TTN: variants seen among roughly 807,000 people sequenced by gnomAD.
TTN encodes the protein titin.
Under a neutral mutation model 3,223.0 loss-of-function variants are expected in TTN, and 1,525 were observed. The observed-to-expected ratio is 0.47, with a 90% CI of 0.45 to 0.49. The LOEUF (loss-of-function observed/expected upper bound fraction) is 0.49, where lower values mean the gene tolerates loss of function less well. Ranked by LOEUF, TTN falls within the 20% of genes least tolerant of loss-of-function variation. TTN has a pLI of 0.00. For missense variants in TTN, 40,786 were observed against 43,424.0 expected, an observed-to-expected ratio of 0.94 and a Z score of 5.40; for synonymous variants, 14,094 against 15,161.0, an observed-to-expected ratio of 0.93 and a Z score of 5.17.
At chr2:178,709,129 C>G (rs1020995616) in intron 99 of TTN, among the ~76,000 whole-genome samples, 4 of 151,910 alleles carry the variant, frequency 2.6e-5, no homozygotes, top group Admixed American at 2.6e-4. Context: ...AACAATAATC[C>G]TTTAGAAATA....
At chr2:178,789,606 A>C in intron 12 of TTN, 109 bp from the exon 13 acceptor site, 1 of 1,405,928 alleles carries the variant, frequency 7.1e-7, no homozygotes, top group Non-Finnish European at 9.9e-7. Flanking sequence ...TCAGGGTTAA[A>C]TACACAAGAG....
chr2:178,608,750 CA>C lies in TTN; in HGVS notation c.52260del (p.Val17421SerfsTer12). ...TTGCAATGTCTAAGTGTTGAAGTGA[CA>C]ACAATCCATTCTGAGTCGGGTTTTG... is the stretch of plus-strand genomic sequence containing the variant. ...DKTKPDSEWIVVTSTLRHCKY... is the reference protein window; with the variant it reads ...DKTKPDSEWIXVTSTLRHCKY... On this transcript the variant is annotated frameshift_variant, in exon 274 of 363. Transcript: ENST00000589042. LOFTEE classifies it high-confidence loss of function. The C allele has an allele frequency of 6.2e-7, 1 of 1,612,614 alleles. No homozygotes were observed. Among genetic ancestry groups the C allele is most frequent in the Non-Finnish European group, 8.5e-7 (1 of 1,179,220 alleles).
Position 178,568,210 on chromosome 2 carries a change from G to A in TTN, c.77922C>T (p.Ser25974=). ...RIFAENRYGQ[S]FALESDPIVA... ...CAATTGGATCAGACTCTAAGGCAAA[G>A]CTTTGTCCATATCTGTTTTCGGCAA... Residue 25974 remains serine, a synonymous_variant, in exon 326 of 363, where the codon AGC becomes AGT. Transcript: ENST00000589042. 2 of 1,613,524 alleles carry A rather than the reference G, an allele frequency of 1.2e-6. No homozygotes were observed. The highest frequency in any genetic ancestry group is 1.7e-6 in the Non-Finnish European group (2 of 1,179,584).
chr2:178,766,682 A>T, intron 40 of TTN, 70 bp from the exon 41 acceptor site: 1 of 1,256,384 alleles, frequency 8.0e-7, no homozygotes, highest in South Asian at 1.2e-5. Flanking sequence ...CCTCCCAGTT[A>T]ATCAATTTCT....
intron 8 of TTN, 107 bp downstream of exon 8, chr2:178,794,292 A>C: frequency 6.5e-7 from 1 of 1,537,906 alleles, no homozygotes; most frequent in Non-Finnish European, 8.9e-7. Flanking sequence ...GGCTGTCTTC[A>C]GAATGAATTG....
Position 178,696,029 on chromosome 2 carries a change from A to G in TTN, c.31043T>C (p.Ile10348Thr), listed in dbSNP as rs2073643638. The part of the protein sequence containing the change: ...YEEPDEDYEE[I>T]KVEAKKEVHE... ...AACTTCTTTTTTAGCTTCTACCTTA[A>G]TCTCTTCATAGTCTTCATCTGGTTC... The change falls in exon 114 of 363, where the codon ATT becomes ACT. Residue 10348 changes from isoleucine to threonine, a missense_variant. Transcript: ENST00000589042. 5 of 1,550,246 alleles carry G rather than the reference A, an allele frequency of 3.2e-6. No individual in the cohort carries two copies. Among genetic ancestry groups the G allele is most frequent in the Non-Finnish European group, 4.4e-6 (5 of 1,146,432 alleles).
In TTN at chr2:178,616,552, T is replaced by C. The variant is rs775135961; in HGVS notation, c.48239A>G (p.Asp16080Gly). ...AGTTAACGGACTTCCTCCATCATCATCAGGTGGTTCCCAAGTCAAATGTAC... is the reference window on the plus strand; with the variant it reads ...AGTTAACGGACTTCCTCCATCATCACCAGGTGGTTCCCAAGTCAAATGTAC... ...DSVHLTWEPP[D>G]DDGGSPLTGY... The change falls in exon 257 of 363, where the codon GAT becomes GGT. Residue 16080 changes from aspartate to glycine, a missense_variant. Physicochemically the swap from Asp to Gly is moderately conservative, Grantham distance 94. Coordinates refer to ENST00000589042, the MANE Select transcript of TTN (RefSeq NM_001267550.2). The C allele has an allele frequency of 2.5e-6, 4 of 1,612,354 alleles. No homozygotes were observed. The highest frequency in any genetic ancestry group is 1.7e-5 in the Admixed American group (1 of 59,898).
Position 178,567,517 on chromosome 2 carries a change from TACC to T in TTN, c.78612_78614del (p.Val26205del), listed in dbSNP as rs1281349277. The T allele has an allele frequency of 1.2e-6, 2 of 1,612,448 alleles. No individual in the cohort carries two copies. The highest frequency in any genetic ancestry group is 2.2e-5 in the East Asian group (1 of 44,762). On this transcript the variant is annotated inframe_deletion, in exon 326 of 363. Coordinates refer to ENST00000589042, the MANE Select transcript of TTN (RefSeq NM_001267550.2). ...CAAGTCTGAATGTTTCTCCAGCATT[TACC>T]ACAATTGTGTCTCTGAATTTTGGAT...
At chr2:178,683,917 TA>T in intron 133 of TTN, 81 bp downstream of exon 133, 1 of 1,024,796 alleles carries the variant, frequency 9.8e-7, no homozygotes, top group Non-Finnish European at 1.4e-6. Context: ...TTTTTTTTTC[TA>T]ATGGAACCTA....
At position 178,782,837 on chromosome 2, in the gene TTN, G is replaced by A. The variant is rs371447978; in HGVS notation, c.3069C>T (p.Thr1023=). Residue 1023 remains threonine (T), a synonymous_variant, in exon 18 of 363, where the codon ACC becomes ACT. Transcript: ENST00000589042. ...FTCSAVNEAG[T]VSTSCYLAVQ... Reference sequence around the variant, plus strand: ...CAGCCAGATAGCAGGATGTGCTGACGGTTCCAGCCTCATTTACAGCACTGC... The same window carrying A: ...CAGCCAGATAGCAGGATGTGCTGACAGTTCCAGCCTCATTTACAGCACTGC... The A allele has an allele frequency of 3.4e-5, 55 of 1,613,504 alleles. No homozygotes were observed. The African/African-American group carries it at 4.9e-4, about 14-fold the overall frequency.
chr2:178,570,426 C>T lies in TTN; in HGVS notation c.75706G>A (p.Asp25236Asn), dbSNP rs1707754880. 1.2e-6 allele frequency: 2 copies of T among 1,613,080 alleles called. No individual in the cohort carries two copies. Among genetic ancestry groups the T allele is most frequent in the Non-Finnish European group, 1.7e-6 (2 of 1,179,542 alleles). The change falls in exon 326 of 363, where the codon GAC (aspartate) becomes AAC (asparagine). Residue 25236 changes from aspartate to asparagine, a missense_variant. Coordinates refer to ENST00000589042, the MANE Select transcript of TTN (RefSeq NM_001267550.2). Reference sequence around the variant, plus strand: ...CTTTCCACAATATAATTTATGATGTCACTCCCACCATCCTGAAGTGGGGGT... The same window carrying T: ...CTTTCCACAATATAATTTATGATGTTACTCCCACCATCCTGAAGTGGGGGT... ...WKPPLQDGGS[D>N]IINYIVERRE...
intron 120 of TTN, 115 bp downstream of exon 120, chr2:178,692,382 A>C (rs776707538): frequency 7.6e-5 from 79 of 1,033,802 alleles, no homozygotes; most frequent in Non-Finnish European, 1.1e-4. Context: ...CAATATACAC[A>C]GAATTAAATA....
intron 47 of TTN, chr2:178,744,962 A>C (rs2083205788): frequency 1.0e-6 from 1 of 985,272 alleles, no homozygotes; most frequent in African/African-American, 1.7e-5. Context: ...TATGAAGAGG[A>C]ATATTAATAA....
chr2:178,727,056 C>A, intron 69 of TTN, 34 bp downstream of exon 69: 2 of 1,413,756 alleles, frequency 1.4e-6, no homozygotes, highest in South Asian at 2.0e-5. Context: ...AGGTGGTTTT[C>A]ATTTAATGAG....
chr2:178,550,916 T>TA lies in TTN; in HGVS notation c.91564+50dup, dbSNP rs1357285075. On this transcript the variant is annotated intron_variant, in intron 336 of 362. Coordinates refer to ENST00000589042, the MANE Select transcript of TTN (RefSeq NM_001267550.2). ...CAGGCCAGGGGCCAAATGTGTTTTT[T>TA]AAAAATGTGAATGCTCTTAGTCTCA... 3.8e-6 allele frequency: 6 copies of TA among 1,563,172 alleles called. No individual in the cohort carries two copies. In the African/African-American group the frequency reaches 8.2e-5, roughly 21 times the overall value.
chr2:178,634,334 T>C lies in TTN; in HGVS notation c.42415+32A>G, dbSNP rs2060158887. On this transcript the variant is annotated intron_variant, in intron 230 of 362. Coordinates refer to ENST00000589042, the MANE Select transcript of TTN (RefSeq NM_001267550.2). The surrounding 1 kb of genome is among the most constrained non-coding windows in gnomAD (Gnocchi z 4.6). The stretch of plus-strand genomic sequence containing the variant: ...AAAGTCATATATTTGCATGCCTTTA[T>C]GGGATGTCACAGATCTCATTAGCTC... 1.9e-6 allele frequency: 3 copies of C among 1,581,910 alleles called. No individual in the cohort carries two copies. The highest frequency in any genetic ancestry group is 2.6e-6 in the Non-Finnish European group (3 of 1,172,258).
intron 47 of TTN, chr2:178,746,898 C>T: frequency 6.2e-7 from 1 of 1,613,490 alleles, no homozygotes; most frequent in Non-Finnish European, 8.5e-7. Context: ...TTGGGTGTAC[C>T]AAATGAATCG....
chr2:178,634,314 C>A lies in TTN; in HGVS notation c.42415+52G>T, dbSNP rs1437609282. The A allele has an allele frequency of 1.2e-5, 19 of 1,567,754 alleles. No individual in the cohort carries two copies. Among genetic ancestry groups the A allele is most frequent in the Middle Eastern group, 1.7e-4 (1 of 5,900 alleles). On this transcript the variant is annotated intron_variant, in intron 230 of 362. Coordinates refer to ENST00000589042, the MANE Select transcript of TTN (RefSeq NM_001267550.2). This position sits in a 1 kb window ranked among gnomAD's most constrained non-coding sequence, Gnocchi z 4.6. Reference sequence around the variant, plus strand: ...GAACTTGGCGTCCTATCTTTAAAGTCATATATTTGCATGCCTTTATGGGAT... The same window carrying A: ...GAACTTGGCGTCCTATCTTTAAAGTAATATATTTGCATGCCTTTATGGGAT...
Position 178,579,107 on chromosome 2 carries a change from A to G in TTN, c.67923T>C (p.Val22641=), listed in dbSNP as rs759628511. The G allele has an allele frequency of 2.2e-5, 35 of 1,613,290 alleles. No individual in the cohort carries two copies. Among genetic ancestry groups the G allele is most frequent in the South Asian group, 4.4e-5 (4 of 91,076 alleles). The change falls in exon 320 of 363, where the codon GTT becomes GTC. Residue 22641 remains valine (V), a synonymous_variant. Transcript: ENST00000589042. ...GTCCAGTGGGGATGCCAGGCTTGCC[A>G]ACAACCTTTATGGAGATAGTTCCTT... ...TKEGTISIKV[V]GKPGIPTGPI... is the part of the protein sequence containing the mutation.
Sources: gnomAD v4.1 joint callset for allele counts (sites outside exome capture counted in the v4.1 genomes callset) on GRCh38, gnomAD v4.1.1 for gene constraint, Gnocchi (gnomAD v3.1) non-coding constraint, MANE v1.5 for transcripts, NCBI Gene and HGNC (gene_info 2026-07-23, HGNC 2026-07-21) for gene names.